OXR1: variants seen among roughly 807,000 people sequenced by gnomAD.
OXR1 encodes oxidation resistance protein 1.
OXR1 carries 41 observed loss-of-function variants against 104.6 expected under a neutral mutation model. The ratio of observed to expected loss-of-function variants is 0.39; its 90% CI spans 0.31 to 0.51. The LOEUF (loss-of-function observed/expected upper bound fraction) is 0.51. Among genes scored for constraint, OXR1 ranks in the 20% least tolerant of loss-of-function variants. The probability of loss-of-function intolerance (pLI) is 0.77; values close to 1 mark genes in which losing one functional copy is unlikely to be tolerated. For synonymous variants in OXR1, 348 were observed against 348.4 expected (o/e 1.00, Z 0.01); for missense variants, 955 against 1,031.9 (o/e 0.93, Z 1.02).
intron 2 of OXR1, among the ~76,000 whole-genome samples, chr8:106,505,260 G>C (rs762486289): frequency 2.6e-5 from 4 of 152,194 alleles, no homozygotes; most frequent in Non-Finnish European, 4.4e-5. Flanking sequence ...TAAGTCTTCT[G>C]TATGAAGACA....
intron 1 of OXR1, among the ~76,000 whole-genome samples, chr8:106,315,676 G>T (rs1182559318): frequency 6.6e-6 from 1 of 152,204 alleles, no homozygotes. Context: ...AAAGAAATGT[G>T]TTGAAATCTA....
At chr8:106,421,914 A>T (rs1358210767) in intron 2 of OXR1, among the ~76,000 whole-genome samples, 1 of 146,732 alleles carries the variant, frequency 6.8e-6, no homozygotes, top group East Asian at 2.1e-4. Context: ...GCTAGTGCTA[A>T]TTATACCCCA....
chr8:106,380,622 G>C (rs1433963072), intron 2 of OXR1, among the ~76,000 whole-genome samples: 1 of 152,080 alleles, frequency 6.6e-6, no homozygotes, highest in East Asian at 1.9e-4. Flanking sequence ...CCACATCCTT[G>C]TCATCACTTA....
intron 11 of OXR1, among the ~76,000 whole-genome samples, chr8:106,729,431 TGTAAA>T (rs1339811511): frequency 3.9e-5 from 6 of 152,090 alleles, no homozygotes; most frequent in Non-Finnish European, 8.8e-5. Flanking sequence ...TCTCATAAAA[TGTAAA>T]GTATTTCCAT....
intron 3 of OXR1, among the ~76,000 whole-genome samples, chr8:106,603,158 C>T (rs887900605): frequency 1.3e-5 from 2 of 152,182 alleles, no homozygotes; most frequent in Admixed American, 6.5e-5. Flanking sequence ...CCTGGCCTAA[C>T]ATCTCTCACT....
chr8:106,382,080 T>G (rs546781959), intron 2 of OXR1, among the ~76,000 whole-genome samples: 8 of 152,206 alleles, frequency 5.3e-5, no homozygotes, highest in Non-Finnish European at 8.8e-5. Flanking sequence ...AGATTAAATG[T>G]ATGGAAATCA....
At chr8:106,473,615 G>A (rs1436554320) in intron 2 of OXR1, among the ~76,000 whole-genome samples, 2 of 151,960 alleles carry the variant, frequency 1.3e-5, no homozygotes, top group East Asian at 3.9e-4. Flanking sequence ...AAAGAGCCAT[G>A]TGATATGATC....
intron 3 of OXR1, among the ~76,000 whole-genome samples, chr8:106,629,532 T>C (rs936655357): frequency 2.0e-5 from 3 of 152,194 alleles, no homozygotes; most frequent in Non-Finnish European, 4.4e-5. Context: ...AAGTAAATCA[T>C]TGTCATTGCC....
chr8:106,723,264 G>A (rs1832985227), intron 11 of OXR1, among the ~76,000 whole-genome samples: 1 of 152,038 alleles, frequency 6.6e-6, no homozygotes. Context: ...GGCCGAGGCA[G>A]GTGGATCATG....
At chr8:106,694,529 GT>G (rs934454277) in intron 7 of OXR1, among the ~76,000 whole-genome samples, 4 of 120,286 alleles carry the variant, frequency 3.3e-5, no homozygotes, top group Admixed American at 2.9e-4. Context: ...ATATAAATAT[GT>G]TTATATATAT....
At chr8:106,743,668 A>C (rs928672820) in intron 15 of OXR1, among the ~76,000 whole-genome samples, 1 of 152,178 alleles carries the variant, frequency 6.6e-6, no homozygotes, top group Non-Finnish European at 1.5e-5. Context: ...AATTAGTTCA[A>C]CTGTTGTAGA....
chr8:106,580,439 A>C (rs1818147902), intron 3 of OXR1, among the ~76,000 whole-genome samples: 1 of 152,228 alleles, frequency 6.6e-6, no homozygotes, highest in Non-Finnish European at 1.5e-5. Flanking sequence ...TTCATTGTAC[A>C]TATATACCAC....
intron 3 of OXR1, among the ~76,000 whole-genome samples, chr8:106,660,905 C>T (rs376417750): frequency 6.6e-6 from 1 of 151,988 alleles, no homozygotes; most frequent in African/African-American, 2.4e-5. Context: ...CCCAGCTACC[C>T]GGGAGGCTGA....
chr8:106,315,060 C>T (rs562575562), intron 1 of OXR1, among the ~76,000 whole-genome samples: 11 of 150,922 alleles, frequency 7.3e-5, no homozygotes, highest in Non-Finnish European at 1.2e-4. Flanking sequence ...GTAAACTTGT[C>T]GAGTGGGCGT....
intron 1 of OXR1, among the ~76,000 whole-genome samples, chr8:106,288,944 G>A (rs569507385): frequency 6.6e-6 from 1 of 152,050 alleles, no homozygotes; most frequent in South Asian, 2.1e-4. Flanking sequence ...GAAAAAAGTG[G>A]TGAATAACAC....
chr8:106,723,719 A>G (rs951119433), intron 11 of OXR1, among the ~76,000 whole-genome samples: 19 of 152,108 alleles, frequency 1.2e-4, no homozygotes, highest in African/African-American at 3.4e-4. Context: ...GACTGTCAGA[A>G]GAGGATTTAT....
At chr8:106,686,794 G>GT (rs1828776400) in intron 6 of OXR1, among the ~76,000 whole-genome samples, 1 of 151,948 alleles carries the variant, frequency 6.6e-6, no homozygotes, top group Admixed American at 6.6e-5. Context: ...GTAATAATTC[G>GT]TTTTCACTTA....
At chr8:106,641,634 C>G (rs1823643622) in intron 3 of OXR1, among the ~76,000 whole-genome samples, 2 of 152,002 alleles carry the variant, frequency 1.3e-5, no homozygotes, top group South Asian at 4.2e-4. Context: ...CTCTGGCAAA[C>G]AAAGTCATGA....
chr8:106,618,028 G>A (rs367959938), intron 3 of OXR1: 70 of 1,515,272 alleles, frequency 4.6e-5, no homozygotes, highest in African/African-American at 4.3e-4. Flanking sequence ...GTCAGGGACC[G>A]GGCGGGAGGA....
Sources: allele counts gnomAD v4.1 joint callset (sites outside exome capture counted in the v4.1 genomes callset), GRCh38; gene constraint gnomAD v4.1.1; transcripts MANE v1.5; gene names NCBI Gene and HGNC (gene_info 2026-07-23, HGNC 2026-07-21).